Variants in CTNNA2 observed in about 807,000 individuals in gnomAD.
The protein encoded by CTNNA2 is catenin alpha-2.
CTNNA2 carries 42 observed loss-of-function variants against 101.0 expected under a neutral mutation model. The ratio of observed to expected loss-of-function variants is 0.42; its 90% CI spans 0.32 to 0.54. The LOEUF (loss-of-function observed/expected upper bound fraction) is 0.54, where lower values mean the gene tolerates loss of function less well. Among genes scored for constraint, CTNNA2 ranks in the 20% least tolerant of loss-of-function variants. The probability of loss-of-function intolerance (pLI) is 0.14; values close to 1 mark genes in which losing one functional copy is unlikely to be tolerated. For missense variants in CTNNA2, 871 were observed against 1,223.1 expected, an observed-to-expected ratio of 0.71 and a Z score of 4.29; for synonymous variants, 450 against 456.4, an observed-to-expected ratio of 0.99 and a Z score of 0.18.
At position 80,077,224 on chromosome 2, in the gene CTNNA2, C is replaced by T. The variant is rs939343168; in HGVS notation, c.1056+167427C>T. On this transcript the variant is annotated intron_variant, in intron 7 of 18. Coordinates refer to ENST00000402739, the MANE Select transcript of CTNNA2 (RefSeq NM_001282597.3). ...TTTGGCAATTTCTTTGTTAAACATACATTTACCGTAGTACCCAACAATAAC... is the reference window on the plus strand; with the variant it reads ...TTTGGCAATTTCTTTGTTAAACATATATTTACCGTAGTACCCAACAATAAC... Among the ~76,000 whole-genome samples the T allele has an allele frequency of 2.6e-5, 4 of 152,220 alleles. No homozygotes were observed. The East Asian group carries it at 7.7e-4, about 29-fold the overall frequency.
chr2:80,630,989 G>A (rs868421666), intron 18 of CTNNA2, among the ~76,000 whole-genome samples: 8 of 152,146 alleles, frequency 5.3e-5, no homozygotes, highest in African/African-American at 1.9e-4. Context: ...CAGAAATCAT[G>A]CTTTCTTTCA....
chr2:79,793,886 A>G (rs1675479873), intron 3 of CTNNA2, among the ~76,000 whole-genome samples: 1 of 121,892 alleles, frequency 8.2e-6, no homozygotes, highest in Non-Finnish European at 1.6e-5. Flanking sequence ...ACACACACTC[A>G]TGCACACACA....
chr2:79,382,320 A>G (rs1678048690), intron 4 of CTNNA2, among the ~76,000 whole-genome samples: 2 of 152,008 alleles, frequency 1.3e-5, no homozygotes, highest in Non-Finnish European at 2.9e-5. Flanking sequence ...ACATTAGATC[A>G]TGGGACTTCT....
intron 7 of CTNNA2, among the ~76,000 whole-genome samples, chr2:80,310,628 A>G (rs1677476120): frequency 6.6e-6 from 1 of 152,230 alleles, no homozygotes; most frequent in African/African-American, 2.4e-5. Flanking sequence ...TGATGTTAAC[A>G]GAGTTTGCTT....
chr2:79,595,908 G>A (rs1677160333), intron 1 of CTNNA2, among the ~76,000 whole-genome samples: 1 of 150,226 alleles, frequency 6.7e-6, no homozygotes, highest in African/African-American at 2.5e-5. Context: ...TTATCAACCA[G>A]CCTCAGTTCT....
chr2:80,610,693 G>A (rs540721206), intron 17 of CTNNA2, among the ~76,000 whole-genome samples: 79 of 151,768 alleles, frequency 5.2e-4, no homozygotes, highest in African/African-American at 1.8e-3. Context: ...AGAGAGCCAC[G>A]TTTTTAGTCT....
chr2:79,799,565 T>C (rs1286030599), intron 3 of CTNNA2, among the ~76,000 whole-genome samples: 1 of 152,206 alleles, frequency 6.6e-6, no homozygotes, highest in Admixed American at 6.5e-5. Flanking sequence ...GATTTTACTG[T>C]ACATAACAAA....
chr2:79,830,996 T>G (rs978630683), intron 3 of CTNNA2, among the ~76,000 whole-genome samples: 6 of 152,180 alleles, frequency 3.9e-5, no homozygotes, highest in African/African-American at 1.2e-4. Flanking sequence ...TCTAAATACA[T>G]TTAATTACAA....
chr2:79,857,134 T>G (rs967174641), intron 3 of CTNNA2, among the ~76,000 whole-genome samples: 1 of 152,146 alleles, frequency 6.6e-6, no homozygotes, highest in Admixed American at 6.5e-5. Flanking sequence ...GCCCACGAAG[T>G]GTTCATGCTG....
intron 7 of CTNNA2, among the ~76,000 whole-genome samples, chr2:80,079,792 G>A (rs1379880571): frequency 5.6e-5 from 7 of 125,638 alleles, no homozygotes; most frequent in African/African-American, 2.1e-4. Flanking sequence ...CCAGCCTGGC[G>A]ACAGAGGGAG....
intron 6 of CTNNA2, among the ~76,000 whole-genome samples, chr2:79,894,353 T>C (rs185680652): frequency 6.4e-5 from 9 of 140,268 alleles, no homozygotes; most frequent in Non-Finnish European, 1.2e-4. Flanking sequence ...ACTCCTTCCC[T>C]CTGTATTCCA....
chr2:79,656,408 A>G (rs1681616062), intron 2 of CTNNA2, among the ~76,000 whole-genome samples: 1 of 152,148 alleles, frequency 6.6e-6, no homozygotes, highest in Non-Finnish European at 1.5e-5. Flanking sequence ...GCAATATGCA[A>G]TGATACAGTT....
chr2:80,256,173 C>T (rs1262261479), intron 7 of CTNNA2, among the ~76,000 whole-genome samples: 3 of 152,096 alleles, frequency 2.0e-5, no homozygotes, highest in Admixed American at 6.6e-5. Context: ...TCTTCAGAAA[C>T]CCGTTAAAAG....
At chr2:79,339,246 T>C (rs1485846901) in intron 3 of CTNNA2, among the ~76,000 whole-genome samples, 1 of 152,070 alleles carries the variant, frequency 6.6e-6, no homozygotes, top group Non-Finnish European at 1.5e-5. Context: ...GAAACCAAGA[T>C]CATTTTCATA....
intron 9 of CTNNA2, among the ~76,000 whole-genome samples, chr2:80,495,939 C>CAAAAAAAAAAAAAAA (rs60582703): frequency 3.1e-4 from 11 of 35,772 alleles, no homozygotes; most frequent in East Asian, 1.9e-3. Context: ...GACTCTGTCT[C>CAAAAAAAAAAAAAAA]AAAAAAAAAA....
At chr2:79,943,880 C>G (rs1196648050) in intron 7 of CTNNA2, among the ~76,000 whole-genome samples, 1 of 152,098 alleles carries the variant, frequency 6.6e-6, no homozygotes, top group Non-Finnish European at 1.5e-5. Context: ...CTATAATATG[C>G]TTAAAGATAT....
At chr2:80,232,915 C>G (rs975822449) in intron 7 of CTNNA2, among the ~76,000 whole-genome samples, 4 of 152,170 alleles carry the variant, frequency 2.6e-5, no homozygotes, top group Admixed American at 2.0e-4. Context: ...TTGTAGCCAG[C>G]TGGGATTCAG....
At chr2:80,366,142 A>G (rs188946340) in intron 7 of CTNNA2, among the ~76,000 whole-genome samples, 52 of 152,268 alleles carry the variant, frequency 3.4e-4, no homozygotes, top group African/African-American at 1.1e-3. Context: ...GGGAAGACCT[A>G]AGGACTTCTG....
At chr2:79,701,969 T>C (rs1685032625) in intron 2 of CTNNA2, among the ~76,000 whole-genome samples, 1 of 127,700 alleles carries the variant, frequency 7.8e-6, no homozygotes, top group Non-Finnish European at 1.6e-5. Flanking sequence ...ACCATTGTAC[T>C]CCAGCCTGGG....
Sources: allele counts gnomAD v4.1 joint callset (sites outside exome capture counted in the v4.1 genomes callset), GRCh38; gene constraint gnomAD v4.1.1; transcripts MANE v1.5; gene names NCBI Gene and HGNC (gene_info 2026-07-23, HGNC 2026-07-21).